Variants in UGT2A1 observed in about 807,000 individuals in gnomAD.
UGT2A1 encodes the protein UDP glucuronosyltransferase family 2 member A1 complex locus, also known as UDP-glucuronosyltransferase 2A1.
In UGT2A1, 61 loss-of-function variants were observed where a neutral mutation model predicts 45.4. The ratio of observed to expected loss-of-function variants is 1.34; its 90% CI spans 1.09 to 1.66. The LOEUF is 1.66. Ranked by LOEUF, UGT2A1 falls within the 40% of genes most tolerant of loss-of-function variation. The pLI, the probability that UGT2A1 is intolerant of heterozygous loss-of-function variation, is 0.00. For missense variants in UGT2A1, 649 were observed against 574.3 expected, an observed-to-expected ratio of 1.13 and a Z score of -1.33; for synonymous variants, 229 against 196.2, an observed-to-expected ratio of 1.17 and a Z score of -1.40.
intron 2 of UGT2A1, among the ~76,000 whole-genome samples, chr4:69,636,501 C>T (rs1721718485): frequency 6.6e-6 from 1 of 151,620 alleles, no homozygotes. Flanking sequence ...TATTTAATTT[C>T]TTAAATGATA....
At position 69,602,342 on chromosome 4, in the gene UGT2A1, G is replaced by A. The variant is rs1437944622; in HGVS notation, c.848-2948C>T. ...TGTAACCTTTATGTTAAAATAGTAA[G>A]AGCATTCTTATCAAGACGAAAAAAA... On this transcript the variant is annotated intron_variant, in intron 3 of 6. Coordinates refer to ENST00000286604, the MANE Select transcript of UGT2A1 (RefSeq NM_001252275.3). 8.8e-5 allele frequency among the ~76,000 whole-genome samples: 12 copies of A among 136,962 alleles called. 2 individuals carry two copies. Among genetic ancestry groups the A allele is most frequent in the Admixed American group, 8.6e-4 (12 of 13,992 alleles). 89.9% of individuals were successfully genotyped at this position (136,962 alleles called of 152,430 possible). A position where few individuals can be genotyped will look rare whatever the true frequency, so the allele number is the denominator to read the frequency against.
chr4:69,649,071 G>T (rs1722406433), intron 1 of UGT2A1, among the ~76,000 whole-genome samples: 1 of 151,994 alleles, frequency 6.6e-6, no homozygotes, highest in Non-Finnish European at 1.5e-5. Context: ...TATTATGTTT[G>T]TATGCATATG....
intron 4 of UGT2A1, among the ~76,000 whole-genome samples, chr4:69,596,911 A>G (rs1718965367): frequency 6.6e-6 from 1 of 152,214 alleles, no homozygotes; most frequent in Non-Finnish European, 1.5e-5. Context: ...TGAAAGCAAA[A>G]CCATTACAGA....
intron 2 of UGT2A1, among the ~76,000 whole-genome samples, chr4:69,643,796 T>C (rs1366320446): frequency 6.6e-6 from 1 of 151,642 alleles, no homozygotes; most frequent in African/African-American, 2.4e-5. Context: ...TGAGTGGATA[T>C]AAATTTGTTG....
At chr4:69,613,190 C>T (rs1311471968) in intron 3 of UGT2A1, among the ~76,000 whole-genome samples, 2 of 151,660 alleles carry the variant, frequency 1.3e-5, no homozygotes, top group East Asian at 1.9e-4. Flanking sequence ...ATAAAACAGA[C>T]ATATAGACAT....
chr4:69,625,691 CTATAGCACTTATG>C (rs1466068047), intron 3 of UGT2A1, among the ~76,000 whole-genome samples: 1 of 151,164 alleles, frequency 6.6e-6, no homozygotes, highest in East Asian at 1.9e-4. Flanking sequence ...TAGGTCTACA[CTATAGCACTTATG>C]TAAATTTAAA....
chr4:69,616,833 C>CCT (rs1187088420), intron 3 of UGT2A1, among the ~76,000 whole-genome samples: 27 of 127,274 alleles, frequency 2.1e-4, no homozygotes, highest in African/African-American at 7.5e-4. Context: ...ATTTTCTTTT[C>CCT]TTTTTTTTTT....
At chr4:69,609,329 T>C (rs1443998393) in intron 3 of UGT2A1, among the ~76,000 whole-genome samples, 2 of 151,958 alleles carry the variant, frequency 1.3e-5, no homozygotes, top group Non-Finnish European at 2.9e-5. Context: ...TTTTTTCTTT[T>C]CTTTTCTACT....
chr4:69,607,242 C>A (rs1342974409), intron 3 of UGT2A1, among the ~76,000 whole-genome samples: 2 of 149,282 alleles, frequency 1.3e-5, no homozygotes, highest in African/African-American at 5.0e-5. Context: ...TGGAACAGAA[C>A]AGAGCCCTCA....
intron 3 of UGT2A1, among the ~76,000 whole-genome samples, chr4:69,624,287 A>C (rs1156557734): frequency 6.6e-6 from 1 of 151,508 alleles, no homozygotes; most frequent in African/African-American, 2.4e-5. Context: ...ATATTAATGC[A>C]GCCACTCCAC....
chr4:69,632,983 C>A (rs537482914), intron 3 of UGT2A1, among the ~76,000 whole-genome samples: 1 of 151,504 alleles, frequency 6.6e-6, no homozygotes, highest in African/African-American at 2.4e-5. Flanking sequence ...ACAAACCGGA[C>A]GTGGGTGACA....
At chr4:69,593,166 G>T (rs895682067) in intron 6 of UGT2A1, among the ~76,000 whole-genome samples, 1 of 151,982 alleles carries the variant, frequency 6.6e-6, no homozygotes, top group Non-Finnish European at 1.5e-5. Context: ...TTATCTCAGA[G>T]AATTCAATAT....
intron 2 of UGT2A1, among the ~76,000 whole-genome samples, chr4:69,636,695 T>G (rs897030808): frequency 5.9e-5 from 9 of 152,248 alleles, no homozygotes; most frequent in African/African-American, 2.2e-4. Context: ...CAGAGCCCTG[T>G]GGTAATATAA....
At chr4:69,596,221 T>C in intron 4 of UGT2A1, 1 of 1,477,364 alleles carries the variant, frequency 6.8e-7, no homozygotes, top group Non-Finnish European at 9.0e-7. Flanking sequence ...AGTAAAAAGC[T>C]GTGTACCAGG....
intron 3 of UGT2A1, among the ~76,000 whole-genome samples, chr4:69,610,927 G>T (rs984223258): frequency 3.3e-5 from 5 of 152,118 alleles, no homozygotes; most frequent in Non-Finnish European, 7.4e-5. Context: ...TTCATACCCA[G>T]TATAACCTTT....
rs187310309 is a variant in UGT2A1 at position 69,631,352 on chromosome 4, T to C, written c.847+4339A>G. On this transcript the variant is annotated intron_variant, in intron 3 of 6. Coordinates refer to ENST00000286604, the MANE Select transcript of UGT2A1 (RefSeq NM_001252275.3). ...TTTTATCATAAAATTAAAATGATAA[T>C]ATTTTGTAAATATATTGTGAAAATT... Among the ~76,000 whole-genome samples, 397 of 152,224 alleles carry C rather than the reference T, an allele frequency of 2.6e-3. 2 individuals are homozygous for C. The highest frequency in any genetic ancestry group is 1.8e-3 in the Admixed American group (27 of 15,292).
At chr4:69,648,150 T>A (rs2109981476) in intron 1 of UGT2A1, among the ~76,000 whole-genome samples, 1 of 150,630 alleles carries the variant, frequency 6.6e-6, no homozygotes, top group Admixed American at 6.7e-5. Context: ...AGTTACAATA[T>A]ATAAGATTGT....
chr4:69,595,143 T>A lies in UGT2A1; in HGVS notation c.1084+19A>T. The A allele has an allele frequency of 6.2e-7, 1 of 1,613,674 alleles. No individual in the cohort carries two copies. Among genetic ancestry groups the A allele is most frequent in the Non-Finnish European group, 8.5e-7 (1 of 1,179,728 alleles). ...GTCTATTGTCCCACTGTACAGCTTTTCTTTCCCCACAGTCTTACCAAGAAG... is the reference window on the plus strand; with the variant it reads ...GTCTATTGTCCCACTGTACAGCTTTACTTTCCCCACAGTCTTACCAAGAAG... On this transcript the variant is annotated intron_variant, in intron 5 of 6. Coordinates refer to ENST00000286604, the MANE Select transcript of UGT2A1 (RefSeq NM_001252275.3).
intron 3 of UGT2A1, among the ~76,000 whole-genome samples, chr4:69,628,796 C>T (rs181807331): frequency 1.7e-3 from 257 of 148,460 alleles, no homozygotes; most frequent in African/African-American, 6.2e-3. Flanking sequence ...ACGTGAAATG[C>T]CTAAAAACTG....
Sources: gnomAD v4.1 joint callset for allele counts (sites outside exome capture counted in the v4.1 genomes callset) on GRCh38, gnomAD v4.1.1 for gene constraint, MANE v1.5 for transcripts, NCBI Gene and HGNC (gene_info 2026-07-23, HGNC 2026-07-21) for gene names.